CNR2: variants seen among roughly 807,000 people sequenced by gnomAD.
CNR2 encodes cannabinoid receptor 2 (macrophage).
For missense variants in CNR2, 379 were observed against 439.9 expected (o/e 0.86, Z 1.24); for synonymous variants, 172 against 182.2 (o/e 0.94, Z 0.45).
chr1:23,893,297 A>G (rs1271278310), intron 1 of CNR2, among the ~76,000 whole-genome samples: 1 of 152,098 alleles, frequency 6.6e-6, no homozygotes, highest in African/African-American at 2.4e-5. Context: ...GAGCTAAATG[A>G]TGTCTGAGGC....
At chr1:23,895,510 T>G (rs572248964) in intron 1 of CNR2, among the ~76,000 whole-genome samples, 1 of 152,094 alleles carries the variant, frequency 6.6e-6, no homozygotes, top group African/African-American at 2.4e-5. Context: ...GTCCTTTTTT[T>G]TCTCTCTCTT....
At position 23,875,429 on chromosome 1, in the gene CNR2, T is replaced by G; in HGVS notation, c.189A>C (p.Gln63His). The change falls in exon 2 of 2, where the codon CAA becomes CAC. Residue 63 changes from glutamine to histidine, a missense_variant. Physicochemically the swap from Gln to His is conservative, Grantham distance 24. Transcript: ENST00000374472. ...ACAGGTATGAGGGCTTCCGGCGGAG[T>G]TGGTGGGAGGACAGGATCAGATAGA... ...AVLYLILSSH[Q>H]LRRKPSYLFI... is the part of the protein sequence containing the mutation. The G allele has an allele frequency of 6.2e-7, 1 of 1,613,468 alleles. No individual in the cohort carries two copies. The highest frequency in any genetic ancestry group is 8.5e-7 in the Non-Finnish European group (1 of 1,179,798).
chr1:23,907,498 T>C (rs1347380226), intron 1 of CNR2, among the ~76,000 whole-genome samples: 1 of 152,052 alleles, frequency 6.6e-6, no homozygotes, highest in Non-Finnish European at 1.5e-5. Context: ...GTATTTTCTT[T>C]TCTTTTTTTT....
At position 23,874,307 on chromosome 1, in the gene CNR2, G is replaced by A. The variant is rs202235055; in HGVS notation, c.*228C>T. The A allele has an allele frequency of 3.0e-4, 152 of 507,700 alleles. No homozygotes were observed. The highest frequency in any genetic ancestry group is 1.1e-3 in the Middle Eastern group (2 of 1,870). The allele number at this position is 507,700 out of a possible 1,614,324, so 31.4% of individuals were successfully genotyped here. A position where few individuals can be genotyped will look rare whatever the true frequency, so the allele number is the denominator to read the frequency against. ...CCCTGTCCCAGGCCTTTTGTGTCTC[G>A]CCTACCTGGCTACTCCTCGTGGCCC... On this transcript the variant is annotated 3_prime_UTR_variant, in exon 2 of 2. Coordinates refer to ENST00000374472, the MANE Select transcript of CNR2 (RefSeq NM_001841.3).
At chr1:23,898,367 A>G (rs1225953546) in intron 1 of CNR2, among the ~76,000 whole-genome samples, 14 of 78,696 alleles carry the variant, frequency 1.8e-4, no homozygotes, top group African/African-American at 5.8e-4. Flanking sequence ...TTTGAGATGG[A>G]GTCTTGTTCT....
At chr1:23,902,121 C>T in intron 1 of CNR2, 2 of 1,461,032 alleles carry the variant, frequency 1.4e-6, no homozygotes, top group African/African-American at 2.8e-5. Flanking sequence ...AAACATGCCT[C>T]TTGTTTCGTG....
At chr1:23,877,927 C>T (rs1639916104) in intron 1 of CNR2, among the ~76,000 whole-genome samples, 1 of 149,234 alleles carries the variant, frequency 6.7e-6, no homozygotes, top group Admixed American at 6.7e-5. Context: ...CACCACTGCA[C>T]AGCAGCCTGG....
chr1:23,911,768 G>A (rs1024545865), intron 1 of CNR2, among the ~76,000 whole-genome samples: 5 of 152,104 alleles, frequency 3.3e-5, no homozygotes, highest in African/African-American at 9.7e-5. Flanking sequence ...GGCCTTAGCC[G>A]GCCAAAGGGT....
chr1:23,871,473 T>C lies in CNR2; in HGVS notation c.*3062A>G, dbSNP rs920431115. 2.6e-5 allele frequency: 4 copies of C among 152,220 alleles called. No individual in the cohort carries two copies. The highest frequency in any genetic ancestry group is 5.9e-5 in the Non-Finnish European group (4 of 68,040). 9.4% of individuals were successfully genotyped at this position (152,220 alleles called of 1,614,324 possible). On this transcript the variant is annotated 3_prime_UTR_variant, in exon 2 of 2. Transcript: ENST00000374472. ...GATTGGTGTCTGGATTAAAACAAGA[T>C]TTGATTTTCCAAAACATACGTCAGA...
At position 23,871,331 on chromosome 1, in the gene CNR2, T is replaced by A. The variant is rs1279750311; in HGVS notation, c.*3204A>T. 1.3e-5 allele frequency: 2 copies of A among 152,144 alleles called. No homozygotes were observed. Among genetic ancestry groups the A allele is most frequent in the African/African-American group, 4.8e-5 (2 of 41,442 alleles). The allele number at this position is 152,144 out of a possible 1,614,324, so 9.4% of individuals were successfully genotyped here. On this transcript the variant is annotated 3_prime_UTR_variant, in exon 2 of 2. Coordinates refer to ENST00000374472, the MANE Select transcript of CNR2 (RefSeq NM_001841.3). ...CACTTGGGCATTTTCTTTGCCAAAA[T>A]GAGAAAGGATTCCACCGATGAATAA...
At chr1:23,888,930 C>G (rs1640137355) in intron 1 of CNR2, among the ~76,000 whole-genome samples, 2 of 152,038 alleles carry the variant, frequency 1.3e-5, no homozygotes, top group South Asian at 4.1e-4. Flanking sequence ...GATTGCGCCA[C>G]TGCACTCCAG....
At chr1:23,880,652 G>A (rs9424395) in intron 1 of CNR2, among the ~76,000 whole-genome samples, 125,311 of 151,582 alleles carry the variant, frequency 0.83, 52,069 homozygotes, top group Non-Finnish European at 0.86. Flanking sequence ...TGCAACCTCC[G>A]CCTCCAGGGT....
At chr1:23,880,454 A>ATG (rs1557524056) in intron 1 of CNR2, among the ~76,000 whole-genome samples, 1 of 152,078 alleles carries the variant, frequency 6.6e-6, no homozygotes, top group East Asian at 1.9e-4. Flanking sequence ...GATTACAGGC[A>ATG]TGAGCCACTG....
chr1:23,896,000 T>C (rs1640276391), intron 1 of CNR2, among the ~76,000 whole-genome samples: 1 of 152,188 alleles, frequency 6.6e-6, no homozygotes, highest in African/African-American at 2.4e-5. Flanking sequence ...CCTTCATTGC[T>C]ACCATTAGCT....
intron 1 of CNR2, among the ~76,000 whole-genome samples, chr1:23,910,429 C>T (rs1640564077): frequency 2.0e-5 from 3 of 151,522 alleles, no homozygotes; most frequent in South Asian, 2.1e-4. Context: ...AAAACAAGAG[C>T]GGATCACCTG....
At chr1:23,902,838 T>A in intron 1 of CNR2, 3 of 1,242,216 alleles carry the variant, frequency 2.4e-6, no homozygotes, top group South Asian at 6.5e-5. Flanking sequence ...CCGGCCTTCC[T>A]GCCCACGGCG....
chr1:23,886,188 CA>C (rs71026697), intron 1 of CNR2, among the ~76,000 whole-genome samples: 20,324 of 130,208 alleles, frequency 0.16, 1,478 homozygotes, highest in East Asian at 0.36. Context: ...GACTCTATTT[CA>C]AAAAAAAAAA....
intron 1 of CNR2, among the ~76,000 whole-genome samples, chr1:23,898,641 ATTTTTTTT>A (rs71026701): frequency 4.0e-5 from 1 of 25,298 alleles, no homozygotes; most frequent in East Asian, 1.6e-3. Flanking sequence ...CGCCTGGCCA[ATTTTTTTT>A]TTTTTTTTTT....
chr1:23,905,741 C>T (rs1324275699), intron 1 of CNR2, among the ~76,000 whole-genome samples: 1 of 152,040 alleles, frequency 6.6e-6, no homozygotes, highest in Non-Finnish European at 1.5e-5. Flanking sequence ...GAGGAACAGC[C>T]AGGGATAGGC....
Sources: gnomAD v4.1 joint callset for allele counts (sites outside exome capture counted in the v4.1 genomes callset) on GRCh38, gnomAD v4.1.1 for gene constraint, MANE v1.5 for transcripts, NCBI Gene and HGNC (gene_info 2026-07-23, HGNC 2026-07-21) for gene names.